LRP2: variants seen among roughly 807,000 people sequenced by gnomAD.
LRP2 encodes LDL receptor related protein 2, also known as low-density lipoprotein receptor-related protein 2.
Under a neutral mutation model 531.0 loss-of-function variants are expected in LRP2, and 172 were observed. The observed-to-expected ratio is 0.32, with a 90% CI of 0.29 to 0.37. The LOEUF is 0.37. Ranked by LOEUF, LRP2 falls within the 10% of genes least tolerant of loss-of-function variation. The probability of loss-of-function intolerance (pLI) is 1.00; values close to 1 mark genes in which losing one functional copy is unlikely to be tolerated. For missense variants in LRP2, 5,167 were observed against 5,868.3 expected, an observed-to-expected ratio of 0.88 and a Z score of 3.90; for synonymous variants, 1,992 against 2,027.6, an observed-to-expected ratio of 0.98 and a Z score of 0.47.
intron 1 of LRP2, among the ~76,000 whole-genome samples, chr2:169,321,390 T>C (rs1422661696): frequency 5.9e-5 from 9 of 151,610 alleles, no homozygotes; most frequent in Non-Finnish European, 1.3e-4. Flanking sequence ...TCTAAGTACT[T>C]AGAGAAATAC....
intron 1 of LRP2, among the ~76,000 whole-genome samples, chr2:169,329,138 G>A (rs938821410): frequency 4.6e-5 from 7 of 152,132 alleles, no homozygotes; most frequent in African/African-American, 9.7e-5. Flanking sequence ...ACTACAGGCC[G>A]GTGTCATCAG....
chr2:169,346,130 T>C (rs1422151486), intron 1 of LRP2, among the ~76,000 whole-genome samples: 1 of 152,252 alleles, frequency 6.6e-6, no homozygotes, highest in Non-Finnish European at 1.5e-5. Flanking sequence ...CAGCAACAAC[T>C]ATTAAAGACC....
At chr2:169,326,864 C>T (rs1363237105) in intron 1 of LRP2, among the ~76,000 whole-genome samples, 8 of 149,836 alleles carry the variant, frequency 5.3e-5, no homozygotes, top group African/African-American at 1.2e-4. Flanking sequence ...GCCTCTGCCC[C>T]GCCGCCCCGT....
At chr2:169,289,797 GT>G (rs1683953620) in intron 8 of LRP2, among the ~76,000 whole-genome samples, 1 of 151,840 alleles carries the variant, frequency 6.6e-6, no homozygotes. Context: ...TTTTCTTTTG[GT>G]TAATTTTTAT....
intron 16 of LRP2, among the ~76,000 whole-genome samples, chr2:169,264,672 G>A (rs1690720187): frequency 6.6e-6 from 1 of 152,004 alleles, no homozygotes; most frequent in African/African-American, 2.4e-5. Context: ...CAAACTAAGT[G>A]TCAACAGAAG....
At chr2:169,264,728 G>A (rs1007099302) in intron 16 of LRP2, among the ~76,000 whole-genome samples, 2 of 152,004 alleles carry the variant, frequency 1.3e-5, no homozygotes, top group African/African-American at 4.8e-5. Context: ...CTCACACTCA[G>A]AGGCACCAGG....
chr2:169,273,232 C>A (rs1321155087), intron 14 of LRP2, among the ~76,000 whole-genome samples, 165 bp from the exon 15 acceptor site: 1 of 152,056 alleles, frequency 6.6e-6, no homozygotes, highest in East Asian at 1.9e-4. Context: ...CCACATCTGG[C>A]TACACTAACC....
intron 71 of LRP2, 85 bp downstream of exon 71, chr2:169,142,589 C>G (rs766490347): frequency 6.3e-7 from 1 of 1,584,792 alleles, no homozygotes; most frequent in South Asian, 1.1e-5. Context: ...CTGCAAAGGA[C>G]CCAGCATACA....
Position 169,318,761 on chromosome 2 carries a change from C to G in LRP2, c.310+1G>C, listed in dbSNP as rs750476171. The G allele has an allele frequency of 1.9e-6, 3 of 1,614,080 alleles. No homozygotes were observed. The highest frequency in any genetic ancestry group is 1.1e-5 in the South Asian group (1 of 91,082). On this transcript the variant is annotated splice_donor_variant, in intron 3 of 78. Transcript: ENST00000649046. LOFTEE classifies it high-confidence loss of function. ...AGCAAGATTCCTCTCCAAACACTTA[C>G]AGCAATCTTGACGTTCATCTGAGCC... is the stretch of plus-strand genomic sequence containing the variant.
chr2:169,171,075 T>A (rs1466795139), intron 58 of LRP2, among the ~76,000 whole-genome samples: 2 of 152,074 alleles, frequency 1.3e-5, no homozygotes, highest in Non-Finnish European at 2.9e-5. Context: ...TTTATCTTAA[T>A]TTTTTCTATT....
Position 169,156,326 on chromosome 2 carries a change from A to G in LRP2, c.12099T>C (p.Ala4033=), listed in dbSNP as rs1373534677. Residue 4033 remains alanine, a synonymous_variant, in exon 65 of 79, where the codon GCT becomes GCC. Coordinates refer to ENST00000649046, the MANE Select transcript of LRP2 (RefSeq NM_004525.3). ...NTKGSYECVC[A]DGFTSMSDRP... The stretch of plus-strand genomic sequence containing the variant: ...GGTCACTCATAGACGTGAAGCCATC[A>G]GCACAGACACACTCATAACTTCCTT... 3 of 1,613,674 alleles carry G rather than the reference A, an allele frequency of 1.9e-6. No homozygotes were observed. Among genetic ancestry groups the G allele is most frequent in the East Asian group, 2.2e-5 (1 of 44,892 alleles).
rs372525372 is a variant in LRP2 at position 169,247,366 on chromosome 2, A to G, written c.2908+12T>C. 9 of 1,614,044 alleles carry G rather than the reference A, an allele frequency of 5.6e-6. No homozygotes were observed. The highest frequency in any genetic ancestry group is 7.6e-6 in the Non-Finnish European group (9 of 1,180,006). On this transcript the variant is annotated intron_variant, in intron 20 of 78. Transcript: ENST00000649046. The stretch of plus-strand genomic sequence containing the variant: ...TACAAAAAAATAAAAAAAACTGGGC[A>G]ATCTCACTCACCAGTCTGGATGTTG...
intron 33 of LRP2, among the ~76,000 whole-genome samples, chr2:169,220,800 A>G (rs533736479): frequency 9.2e-4 from 140 of 152,236 alleles, no homozygotes; most frequent in Non-Finnish European, 1.7e-3. Context: ...CTTCCAACTC[A>G]CCTAAAATTT....
At chr2:169,164,821 C>T (rs1245222134) in intron 62 of LRP2, among the ~76,000 whole-genome samples, 2 of 152,106 alleles carry the variant, frequency 1.3e-5, no homozygotes. Context: ...CTTTTTTCCA[C>T]TCTGGGATTT....
rs1686961191 is a variant in LRP2 at position 169,170,623 on chromosome 2, G to T, written c.11308C>A (p.Gln3770Lys). The change falls in exon 59 of 79, where the codon CAG becomes AAG. Residue 3770 changes from glutamine (Q) to lysine (K), a missense_variant. Gln to Lys is a moderately conservative substitution (Grantham distance 53). Coordinates refer to ENST00000649046, the MANE Select transcript of LRP2 (RefSeq NM_004525.3). The stretch of plus-strand genomic sequence containing the variant: ...CAGATCCATCGCGAGGGAATGCACT[G>T]CTGATTGACACATCGAAACTCGCTC... ...TESEFRCVNQ[Q>K]CIPSRWICDH... The T allele has an allele frequency of 1.2e-6, 2 of 1,614,048 alleles. No homozygotes were observed. Among genetic ancestry groups the T allele is most frequent in the African/African-American group, 2.7e-5 (2 of 74,910 alleles).
At chr2:169,277,984 G>T (rs1288960744) in intron 12 of LRP2, 33 bp from the exon 13 acceptor site, 1 of 1,569,678 alleles carries the variant, frequency 6.4e-7, no homozygotes, top group Non-Finnish European at 8.8e-7. Context: ...GAAAGAATCT[G>T]GTATTTTACA....
chr2:169,184,802 A>AGGG (rs1390404779), intron 50 of LRP2, among the ~76,000 whole-genome samples: 1 of 150,658 alleles, frequency 6.6e-6, no homozygotes, highest in East Asian at 2.0e-4. Context: ...TCACTCTGTT[A>AGGG]CTCAGGCTGG....
rs1410660976 is a variant in LRP2 at position 169,247,378 on chromosome 2, C to G, written c.2908G>C (p.Gly970Arg). ...AAAAAAACTGGGCAATCTCACTCAC[C>G]AGTCTGGATGTTGACATCATACGAT... is the stretch of plus-strand genomic sequence containing the variant. Reference protein sequence around the residue: ...LKSYDVNIQTGSNACNQPTHP... With the variant: ...LKSYDVNIQTRSNACNQPTHP... Residue 970 changes from glycine to arginine, a missense_variant and splice_region_variant, in exon 20 of 79, where the codon GGT becomes CGT. Gly to Arg is a moderately radical substitution (Grantham distance 125). Around this residue, in one of 6 missense-constraint regions of LRP2, gnomAD observed 2,811 missense variants for 3,058.0 expected, o/e 0.92. Transcript: ENST00000649046. The G allele has an allele frequency of 1.9e-6, 3 of 1,614,082 alleles. No homozygotes were observed. The highest frequency in any genetic ancestry group is 2.2e-5 in the East Asian group (1 of 44,872).
At chr2:169,136,559 G>A (rs1409706670) in intron 76 of LRP2, among the ~76,000 whole-genome samples, 1 of 151,926 alleles carries the variant, frequency 6.6e-6, no homozygotes, top group African/African-American at 2.4e-5. Context: ...GCCGGTCCTT[G>A]CCTTAACTGA....
Sources: gnomAD v4.1 joint callset for allele counts (sites outside exome capture counted in the v4.1 genomes callset) on GRCh38, gnomAD v4.1.1 for gene constraint, gnomAD v4.1.1 regional missense constraint, MANE v1.5 for transcripts, NCBI Gene and HGNC (gene_info 2026-07-23, HGNC 2026-07-21) for gene names.